The following HDAC5 variants were observed in gnomAD, a reference collection of about 807,000 sequenced individuals.
HDAC5 encodes the protein histone deacetylase 5.
HDAC5 carries 25 observed loss-of-function variants against 133.3 expected under a neutral mutation model. The ratio of observed to expected loss-of-function variants is 0.19; its 90% confidence interval spans 0.14 to 0.26. The LOEUF (loss-of-function observed/expected upper bound fraction) is 0.26. Ranked by LOEUF, HDAC5 falls within the 10% of genes least tolerant of loss-of-function variation. HDAC5 has a pLI of 1.00. For missense variants in HDAC5, 1,041 were observed against 1,460.5 expected (o/e 0.71, Z 4.68); for synonymous variants, 589 against 610.8 (o/e 0.96, Z 0.53).
At chr17:44,100,578 C>CAAAAAAAAAA (rs869274112) in intron 3 of HDAC5, among the ~76,000 whole-genome samples, 13 of 89,350 alleles carry the variant, frequency 1.5e-4, no homozygotes, top group African/African-American at 5.3e-4. Flanking sequence ...ACTAAAGATA[C>CAAAAAAAAAA]AAAAAAAAAA....
At chr17:44,102,879 G>A (rs898984068) in intron 3 of HDAC5, among the ~76,000 whole-genome samples, 1 of 151,742 alleles carries the variant, frequency 6.6e-6, no homozygotes, top group African/African-American at 2.4e-5. Flanking sequence ...TGTTAGCCAG[G>A]ATGGTCTCTA....
chr17:44,099,405 C>T (rs1233711715), intron 3 of HDAC5, among the ~76,000 whole-genome samples: 1 of 152,120 alleles, frequency 6.6e-6, no homozygotes, highest in Admixed American at 6.5e-5. Context: ...TTCTGCAGGG[C>T]TGACCACCCT....
rs556636580 is a variant in HDAC5, at chr17:44,098,396, G to C, written c.95-4562C>G. Among the ~76,000 whole-genome samples, 3 of 152,298 alleles carry C rather than the reference G, an allele frequency of 2.0e-5. No individual in the cohort carries two copies. The South Asian group carries it at 6.2e-4, about 32-fold the overall frequency. ...GAACCTCTGGGAAAAGAAGAGGATA[G>C]ACAGGCCCGGGGCGTGGTGGCCAGT... On this transcript the variant is annotated intron_variant, in intron 3 of 26. Transcript: ENST00000682912.
In HDAC5 at chr17:44,085,012, G is replaced by A; in HGVS notation, c.2184+10C>T. 3 of 1,574,682 alleles carry A rather than the reference G, an allele frequency of 1.9e-6. No individual in the cohort carries two copies. The highest frequency in any genetic ancestry group is 2.6e-6 in the Non-Finnish European group (3 of 1,151,108). Reference sequence around the variant, plus strand: ...AAGTTGAGAGCCAGAAGAAGGAGGGGCTCCCTTACCTCGCACTTGCTAAGC... The same window carrying A: ...AAGTTGAGAGCCAGAAGAAGGAGGGACTCCCTTACCTCGCACTTGCTAAGC... On this transcript the variant is annotated intron_variant, in intron 15 of 26. Transcript: ENST00000682912.
chr17:44,091,244 CCTTGCACAG>C lies in HDAC5; in HGVS notation c.1387+17_1387+25del, dbSNP rs774880941. 6.3e-5 allele frequency: 99 copies of C among 1,570,548 alleles called. No individual in the cohort carries two copies. The highest frequency in any genetic ancestry group is 5.0e-4 in the Middle Eastern group (3 of 6,036). ...AGTTGGTCCTGACCTTAGCCCCCTC[CCTTGCACAG>C]CTACCTGTCCACTCACCAGCAATGA... On this transcript the variant is annotated intron_variant, in intron 11 of 26. Transcript: ENST00000682912.
At position 44,092,272 on chromosome 17, in the gene HDAC5, C is replaced by T; in HGVS notation, c.932G>A (p.Cys311Tyr). ...GGGGCCGGAGCCGGGTGCGCTGTTA[C>T]ACACGGACGACGCTATAGGAGAAGT... Reference protein sequence around the residue: ...TGAGPGASSVCNSAPGSGPSS... With the variant: ...TGAGPGASSVYNSAPGSGPSS... The change falls in exon 9 of 27, where the codon TGT (cysteine) becomes TAT (tyrosine). Residue 311 changes from cysteine (C) to tyrosine (Y), a missense_variant. By Grantham distance (194) the Cys-to-Tyr change is radical (BLOSUM62 -2). This residue lies in a region of HDAC5 where 433 missense variants were observed against 531.6 expected (regional missense o/e 0.81). Transcript: ENST00000682912. The T allele has an allele frequency of 6.2e-7, 1 of 1,614,044 alleles. No homozygotes were observed. The highest frequency in any genetic ancestry group is 8.5e-7 in the Non-Finnish European group (1 of 1,179,984).
intron 3 of HDAC5, among the ~76,000 whole-genome samples, chr17:44,109,348 T>C (rs1270191375): frequency 1.3e-5 from 2 of 152,172 alleles, no homozygotes; most frequent in Non-Finnish European, 2.9e-5. Context: ...TCTGGGTTTA[T>C]TCCTCATCCC....
chr17:44,110,115 A>G (rs1311557951), intron 3 of HDAC5, among the ~76,000 whole-genome samples: 1 of 152,204 alleles, frequency 6.6e-6, no homozygotes, highest in Non-Finnish European at 1.5e-5. Context: ...TGGGGAGAGG[A>G]GCGCCATCGG....
intron 14 of HDAC5, 22 bp from the exon 15 acceptor site, chr17:44,085,177 C>T: frequency 6.4e-7 from 1 of 1,573,138 alleles, no homozygotes; most frequent in Non-Finnish European, 8.7e-7. Context: ...ACCTATGTGT[C>T]AGCCAGCACT....
rs201864458 is a variant in HDAC5 at position 44,091,700 on chromosome 17, A to C, written c.1164T>G (p.Thr388=). Residue 388 remains threonine, a splice_region_variant and synonymous_variant, in exon 10 of 27, where the codon ACT becomes ACG. Coordinates refer to ENST00000682912, the MANE Select transcript of HDAC5 (RefSeq NM_005474.5). ...GATGGGGTATATGCCCTGTACTTAC[A>C]GTGAGGTGTGAGTTGGTGACAGTGA... ...ATVTVTNSHL[T]ASPKLSTQQE... is the part of the protein sequence containing the mutation. 7.7e-5 allele frequency: 120 copies of C among 1,557,826 alleles called. No individual in the cohort carries two copies. The highest frequency in any genetic ancestry group is 1.0e-4 in the Non-Finnish European group (115 of 1,153,444).
chr17:44,083,738 G>A (rs1299587902), intron 17 of HDAC5, 67 bp downstream of exon 17: 1 of 1,582,220 alleles, frequency 6.3e-7, no homozygotes, highest in Non-Finnish European at 8.7e-7. Flanking sequence ...AGCGGCTGTG[G>A]TAGGCAGGGA....
chr17:44,097,696 G>A (rs1327070442), intron 3 of HDAC5, among the ~76,000 whole-genome samples: 2 of 152,254 alleles, frequency 1.3e-5, no homozygotes, highest in Non-Finnish European at 2.9e-5. Context: ...TGCTGCTCCC[G>A]GCAATGCCGG....
At chr17:44,080,068 ACT>A (rs2144201679) in intron 23 of HDAC5, 37 bp downstream of exon 23, 1 of 1,401,002 alleles carries the variant, frequency 7.1e-7, no homozygotes. Context: ...CGATATCCTC[ACT>A]GTTTCACTTC....
At chr17:44,094,336 AC>A (rs201505399) in intron 3 of HDAC5, among the ~76,000 whole-genome samples, 4 of 151,234 alleles carry the variant, frequency 2.6e-5, no homozygotes, top group African/African-American at 9.7e-5. Context: ...AAAAAAAAAA[AC>A]AAAAAACAAA....
rs1467463640 is a variant in HDAC5, at chr17:44,093,073, G to A, written c.641+19C>T. On this transcript the variant is annotated intron_variant, in intron 6 of 26. Transcript: ENST00000682912. ...GAGCGGCTCACCTATGCCCACCCAT[G>A]CCTGCCCAGGGCCATTACCAGCATT... is the stretch of plus-strand genomic sequence containing the variant. 2 of 1,577,024 alleles carry A rather than the reference G, an allele frequency of 1.3e-6. No homozygotes were observed. Among genetic ancestry groups the A allele is most frequent in the Non-Finnish European group, 1.7e-6 (2 of 1,154,636 alleles).
At chr17:44,092,099 G>T in intron 9 of HDAC5, 73 bp downstream of exon 9, 2 of 1,320,862 alleles carry the variant, frequency 1.5e-6, no homozygotes, top group South Asian at 1.3e-5. Flanking sequence ...CAGACTGGAA[G>T]GAGCTGCACT....
Position 44,080,386 on chromosome 17 carries a change from C to T in HDAC5, c.2825+15G>A. 1.2e-6 allele frequency: 2 copies of T among 1,612,064 alleles called. No homozygotes were observed. The highest frequency in any genetic ancestry group is 1.1e-5 in the South Asian group (1 of 91,032). On this transcript the variant is annotated intron_variant, in intron 22 of 26. Transcript: ENST00000682912. ...GGGGCTCCCACTGACTACCATGGCC[C>T]TTTTCAGTCCCTACCTGAAGGCTGT...
intron 1 of HDAC5, among the ~76,000 whole-genome samples, chr17:44,118,488 C>G (rs1307313194): frequency 6.6e-6 from 1 of 152,162 alleles, no homozygotes; most frequent in Non-Finnish European, 1.5e-5. Context: ...CGATTTTTTC[C>G]CAGTTTGTAC....
chr17:44,099,715 C>T (rs937702014), intron 3 of HDAC5, among the ~76,000 whole-genome samples: 13 of 152,184 alleles, frequency 8.5e-5, no homozygotes, highest in Non-Finnish European at 1.9e-4. Context: ...ACCTCGTGAT[C>T]TGCCCACCTC....
Sources: gnomAD v4.1 joint callset for allele counts (sites outside exome capture counted in the v4.1 genomes callset) on GRCh38, gnomAD v4.1.1 for gene constraint, gnomAD v4.1.1 regional missense constraint, MANE v1.5 for transcripts, NCBI Gene and HGNC (gene_info 2026-07-23, HGNC 2026-07-21) for gene names.